Variants in EDEM2 observed in about 807,000 individuals in gnomAD.
EDEM2 encodes ER degradation-enhancing alpha-mannosidase-like protein 2.
A neutral mutation model predicts 64.8 loss-of-function variants in EDEM2; 39 were observed. The observed-to-expected ratio is 0.60, with a 90% CI of 0.47 to 0.79. EDEM2 has a LOEUF of 0.79. Among genes scored for constraint, EDEM2 ranks in the 30% least tolerant of loss-of-function variants. EDEM2 has a pLI of 0.00. For synonymous variants in EDEM2, 296 were observed against 291.5 expected (o/e 1.02, Z -0.16); for missense variants, 609 against 731.3 (o/e 0.83, Z 1.93).
At chr20:35,128,565 T>TTA (rs151026055) in intron 7 of EDEM2, among the ~76,000 whole-genome samples, 51 of 78,026 alleles carry the variant, frequency 6.5e-4, no homozygotes, top group Middle Eastern at 6.8e-3. Context: ...AAACTCTGTC[T>TTA]AAAAAAAAAA....
At chr20:35,117,405 T>C (rs1396818713) in intron 10 of EDEM2, among the ~76,000 whole-genome samples, 1 of 152,202 alleles carries the variant, frequency 6.6e-6, no homozygotes, top group African/African-American at 2.4e-5. Context: ...CCTTGCCCTG[T>C]TTGAGAAAGG....
At chr20:35,117,021 G>A (rs963717366) in intron 10 of EDEM2, 1 of 152,044 alleles carries the variant, frequency 6.6e-6, no homozygotes, top group African/African-American at 2.4e-5. Context: ...TTGAACTCCT[G>A]ACCTCGTGAT....
chr20:35,143,622 C>T (rs964884238), intron 3 of EDEM2, among the ~76,000 whole-genome samples: 1 of 152,130 alleles, frequency 6.6e-6, no homozygotes, highest in Non-Finnish European at 1.5e-5. Context: ...CTCAATTTAC[C>T]CTCGAGGAAT....
chr20:35,128,112 G>A (rs548305718), intron 7 of EDEM2, among the ~76,000 whole-genome samples: 35 of 152,254 alleles, frequency 2.3e-4, no homozygotes, highest in African/African-American at 7.9e-4. Context: ...TCGGCTGGGC[G>A]TGGTGGCTCA....
At position 35,146,817 on chromosome 20, in the gene EDEM2, C is replaced by G. The variant is rs749001017; in HGVS notation, c.218+8G>C. 3.7e-6 allele frequency: 6 copies of G among 1,613,278 alleles called. No homozygotes were observed. The Admixed American group carries it at 1.0e-4, about 27-fold the overall frequency. On this transcript the variant is annotated splice_region_variant and intron_variant, in intron 2 of 10. Coordinates refer to ENST00000374492, the MANE Select transcript of EDEM2 (RefSeq NM_018217.3). ...CCTGGCCGCCCCTTGCCCCTCCGCTCGCACTACCTGCCCCAGGTGTCGTGC... is the reference window on the plus strand; with the variant it reads ...CCTGGCCGCCCCTTGCCCCTCCGCTGGCACTACCTGCCCCAGGTGTCGTGC...
At position 35,142,408 on chromosome 20, in the gene EDEM2, T is replaced by A; in HGVS notation, c.329A>T (p.Asp110Val). 6.2e-7 allele frequency: 1 copy of A among 1,614,090 alleles called. No homozygotes were observed. Among genetic ancestry groups the A allele is most frequent in the Non-Finnish European group, 8.5e-7 (1 of 1,179,988 alleles). Reference protein sequence around the residue: ...VLQDSVDFDIDVNASVFETNI... With the variant: ...VLQDSVDFDIVVNASVFETNI... ...TGTTTCAAACACAGAGGCGTTCACATCAATATCAAAGTCCACGCTGTCCTG... is the reference window on the plus strand; with the variant it reads ...TGTTTCAAACACAGAGGCGTTCACAACAATATCAAAGTCCACGCTGTCCTG... Residue 110 changes from aspartate (D) to valine (V), a missense_variant, in exon 4 of 11, where the codon GAT (aspartate) becomes GTT (valine). By Grantham distance (152) the Asp-to-Val change is radical. Coordinates refer to ENST00000374492, the MANE Select transcript of EDEM2 (RefSeq NM_018217.3).
intron 10 of EDEM2, among the ~76,000 whole-genome samples, chr20:35,116,793 GTT>G (rs879262031): frequency 3.4e-5 from 5 of 145,700 alleles, no homozygotes; most frequent in African/African-American, 1.3e-4. Flanking sequence ...TGATTACCAA[GTT>G]TTTTTTTTTT....
In EDEM2 at chr20:35,128,712, G is replaced by A. The variant is rs554062421; in HGVS notation, c.845-2337C>T. Among the ~76,000 whole-genome samples, 28 of 150,630 alleles carry A rather than the reference G, an allele frequency of 1.9e-4. 3 individuals carry two copies. Among genetic ancestry groups the A allele is most frequent in the African/African-American group, 6.4e-4 (26 of 40,478 alleles). On this transcript the variant is annotated intron_variant, in intron 7 of 10. Transcript: ENST00000374492. Reference sequence around the variant, plus strand: ...AGCAGGATAACATGGGGAAGTGGAAGACAGTGATATTGATGATACTGACCC... The same window carrying A: ...AGCAGGATAACATGGGGAAGTGGAAAACAGTGATATTGATGATACTGACCC...
Position 35,134,718 on chromosome 20 carries a change from A to T in EDEM2, c.702+20T>A. 1 of 1,611,788 alleles carries T rather than the reference A, an allele frequency of 6.2e-7. No homozygotes were observed. Among genetic ancestry groups the T allele is most frequent in the Non-Finnish European group, 8.5e-7 (1 of 1,179,504 alleles). ...CCTCGTAAGCAGGGACTCAAACAGG[A>T]AGGGCAGCAGCGAACCTACCAGCCC... On this transcript the variant is annotated intron_variant, in intron 6 of 10. Transcript: ENST00000374492.
At chr20:35,132,581 G>T (rs2085519321) in intron 6 of EDEM2, among the ~76,000 whole-genome samples, 1 of 152,196 alleles carries the variant, frequency 6.6e-6, no homozygotes, top group Non-Finnish European at 1.5e-5. Flanking sequence ...TTGAACCCAA[G>T]AGGGGGAGGT....
At chr20:35,142,653 T>C (rs538872790) in intron 3 of EDEM2, among the ~76,000 whole-genome samples, 175 bp from the exon 4 acceptor site, 10 of 152,304 alleles carry the variant, frequency 6.6e-5, no homozygotes, top group Non-Finnish European at 1.3e-4. Context: ...ATCTAGAGAC[T>C]TCATACCAAG....
chr20:35,136,838 G>A (rs758904030), intron 5 of EDEM2, among the ~76,000 whole-genome samples: 6 of 151,780 alleles, frequency 4.0e-5, no homozygotes, highest in Non-Finnish European at 7.4e-5. Context: ...ACAGTGTGAC[G>A]TGTCTGGGTG....
At chr20:35,131,368 T>C (rs2085503206) in intron 7 of EDEM2, among the ~76,000 whole-genome samples, 1 of 152,080 alleles carries the variant, frequency 6.6e-6, no homozygotes, top group Non-Finnish European at 1.5e-5. Context: ...CTGGCCAACA[T>C]GGTGAAACCC....
At chr20:35,132,385 G>A (rs1055957400) in intron 6 of EDEM2, among the ~76,000 whole-genome samples, 1 of 152,012 alleles carries the variant, frequency 6.6e-6, no homozygotes, top group Non-Finnish European at 1.5e-5. Flanking sequence ...AGGCGCGGTG[G>A]CTCATGCCTA....
At chr20:35,133,626 C>A (rs189928672) in intron 6 of EDEM2, among the ~76,000 whole-genome samples, 33 of 152,090 alleles carry the variant, frequency 2.2e-4, no homozygotes, top group Middle Eastern at 6.8e-3. Flanking sequence ...ACCACCACGC[C>A]CGGCTAATTT....
rs760619353 is a variant in EDEM2 at position 35,123,898 on chromosome 20, A to T, written c.1106T>A (p.Leu369His). ...CCAGAAATGCTGCTCACCTGGCCGA[A>T]GTGGGTAGCCCTCTCGCTTCTCCAC... ...YTVEKREGYPLRPELIESAMY... is the reference protein window; with the variant it reads ...YTVEKREGYPHRPELIESAMY... Residue 369 changes from leucine (L) to histidine (H), a missense_variant, in exon 9 of 11, where the codon CTT becomes CAT. Transcript: ENST00000374492. 6.2e-7 allele frequency: 1 copy of T among 1,613,766 alleles called. No individual in the cohort carries two copies. Among genetic ancestry groups the T allele is most frequent in the Non-Finnish European group, 8.5e-7 (1 of 1,179,828 alleles).
chr20:35,138,775 G>A (rs1431286526), intron 4 of EDEM2, among the ~76,000 whole-genome samples: 1 of 151,360 alleles, frequency 6.6e-6, no homozygotes, highest in East Asian at 2.0e-4. Flanking sequence ...TTGTAGACAC[G>A]GTGTTTCACT....
intron 5 of EDEM2, among the ~76,000 whole-genome samples, chr20:35,135,628 G>T (rs974667099): frequency 9.2e-5 from 14 of 152,036 alleles, no homozygotes; most frequent in Admixed American, 6.6e-4. Flanking sequence ...TCCAGCCTGG[G>T]TGACAGAGCG....
At chr20:35,136,911 G>A (rs893569158) in intron 5 of EDEM2, among the ~76,000 whole-genome samples, 6 of 152,108 alleles carry the variant, frequency 3.9e-5, no homozygotes, top group African/African-American at 1.4e-4. Flanking sequence ...TGATGCTACT[G>A]AGCCTGGTGT....
Sources: allele counts gnomAD v4.1 joint callset (sites outside exome capture counted in the v4.1 genomes callset), GRCh38; gene constraint gnomAD v4.1.1; transcripts MANE v1.5; gene names NCBI Gene and HGNC (gene_info 2026-07-23, HGNC 2026-07-21).